Variants in CDH19 observed in about 807,000 individuals in gnomAD.
CDH19 encodes cadherin-19.
CDH19 carries 67 observed loss-of-function variants against 64.2 expected under a neutral mutation model. That is an observed-to-expected ratio of 1.04 (90% CI 0.86 to 1.28). The LOEUF (loss-of-function observed/expected upper bound fraction) is 1.28. Among genes scored for constraint, CDH19 ranks in the 50% most tolerant of loss-of-function variants. CDH19 has a pLI of 0.00. For synonymous variants in CDH19, 346 were observed against 319.3 expected, an observed-to-expected ratio of 1.08 and a Z score of -0.89; for missense variants, 1,030 against 929.0, an observed-to-expected ratio of 1.11 and a Z score of -1.41.
rs756810638 is a variant in CDH19, at chr18:66,572,014, C to G, written c.191G>C (p.Gly64Ala). The change falls in exon 2 of 12, where the codon GGC becomes GCC. Residue 64 changes from glycine (G) to alanine (A), a missense_variant. Gly to Ala is a moderately conservative substitution (Grantham distance 60). Transcript: ENST00000262150. ...EEMNTTSHHI[G>A]QLRSDLDNGN... Reference sequence around the variant, plus strand: ...ACATTTTAAATAAATAAGTACCTGGCCGATGTGATGACTAGTCGTATTCAT... The same window carrying G: ...ACATTTTAAATAAATAAGTACCTGGGCGATGTGATGACTAGTCGTATTCAT... 3 of 1,604,650 alleles carry G rather than the reference C, an allele frequency of 1.9e-6. No homozygotes were observed. The highest frequency in any genetic ancestry group is 2.6e-6 in the Non-Finnish European group (3 of 1,173,228).
intron 5 of CDH19, among the ~76,000 whole-genome samples, chr18:66,548,038 A>G (rs997810359): frequency 4.8e-5 from 7 of 147,164 alleles, no homozygotes; most frequent in African/African-American, 1.2e-4. Flanking sequence ...ATATATGTGT[A>G]TTATATATAT....
At chr18:66,580,890 A>G (rs1440206993) in intron 1 of CDH19, among the ~76,000 whole-genome samples, 3 of 152,218 alleles carry the variant, frequency 2.0e-5, no homozygotes, top group East Asian at 1.9e-4. Flanking sequence ...AGCAGAAGTG[A>G]AAAACATTTC....
intron 5 of CDH19, among the ~76,000 whole-genome samples, chr18:66,547,124 A>G (rs1264780296): frequency 6.6e-6 from 1 of 152,138 alleles, no homozygotes; most frequent in African/African-American, 2.4e-5. Flanking sequence ...ATGAGAGCCT[A>G]TTGCACTAAT....
chr18:66,567,206 G>A (rs1306548270), intron 3 of CDH19, among the ~76,000 whole-genome samples: 1 of 151,682 alleles, frequency 6.6e-6, no homozygotes, highest in East Asian at 1.9e-4. Flanking sequence ...TAGTTTCAAA[G>A]GAAGATTCCT....
At chr18:66,536,040 A>T (rs1986656666) in intron 7 of CDH19, among the ~76,000 whole-genome samples, 1 of 150,182 alleles carries the variant, frequency 6.7e-6, no homozygotes, top group Non-Finnish European at 1.5e-5. Flanking sequence ...GGAAAAAAAA[A>T]ACTGAAAAAT....
intron 7 of CDH19, among the ~76,000 whole-genome samples, chr18:66,536,192 CTT>C (rs1986663109): frequency 6.6e-6 from 1 of 151,492 alleles, no homozygotes; most frequent in Non-Finnish European, 1.5e-5. Context: ...TTCCTGAAGA[CTT>C]TGATGAGATA....
chr18:66,528,376 A>G (rs1986305263), intron 9 of CDH19, among the ~76,000 whole-genome samples: 1 of 152,164 alleles, frequency 6.6e-6, no homozygotes, highest in Admixed American at 6.5e-5. Context: ...CTGTACGCCC[A>G]TACATTTCTA....
chr18:66,543,231 G>T (rs1359206066), intron 7 of CDH19, among the ~76,000 whole-genome samples: 3 of 151,982 alleles, frequency 2.0e-5, no homozygotes, highest in African/African-American at 4.8e-5. Context: ...GGTTTCACAT[G>T]TTAGCCAGGA....
At chr18:66,602,639 G>A (rs1438843176) in intron 1 of CDH19, among the ~76,000 whole-genome samples, 3 of 151,848 alleles carry the variant, frequency 2.0e-5, no homozygotes, top group Middle Eastern at 3.4e-3. Context: ...GTGTAAGACT[G>A]TAAAAATCAG....
At chr18:66,532,360 T>A (rs969470684) in intron 8 of CDH19, 1 of 154,432 alleles carries the variant, frequency 6.5e-6, no homozygotes, top group Non-Finnish European at 1.4e-5. Flanking sequence ...TTAGTGTTTT[T>A]ATTTAAAATA....
rs1453425574 is a variant in CDH19 at position 66,527,792 on chromosome 18, ATACT to A, written c.1458+2049_1458+2052del. 1.9e-4 allele frequency among the ~76,000 whole-genome samples: 29 copies of A among 151,966 alleles called. 1 individual carries two copies. Among genetic ancestry groups the A allele is most frequent in the Admixed American group, 7.2e-4 (11 of 15,228 alleles). On this transcript the variant is annotated intron_variant, in intron 9 of 11. Transcript: ENST00000262150. Reference sequence around the variant, plus strand: ...AAAAACAGAACTTTGTCCAATTAACATACTTACCACATGGGACATTTACAGAAAT... The same window carrying A: ...AAAAACAGAACTTTGTCCAATTAACATACCACATGGGACATTTACAGAAAT...
intron 1 of CDH19, among the ~76,000 whole-genome samples, chr18:66,582,571 G>C (rs1462563796): frequency 7.1e-6 from 1 of 141,370 alleles, no homozygotes; most frequent in Admixed American, 7.4e-5. Context: ...GCACTAAAAT[G>C]TGAAAGATCA....
intron 1 of CDH19, among the ~76,000 whole-genome samples, chr18:66,602,693 G>C (rs1989066614): frequency 2.0e-5 from 3 of 151,892 alleles, no homozygotes; most frequent in Non-Finnish European, 4.4e-5. Flanking sequence ...TGTTATAAAG[G>C]CTTGGTAAAG....
At chr18:66,513,046 T>C (rs895413252) in intron 9 of CDH19, among the ~76,000 whole-genome samples, 4 of 151,458 alleles carry the variant, frequency 2.6e-5, no homozygotes. Flanking sequence ...ATATTGTTAG[T>C]CATAGGCATA....
intron 10 of CDH19, among the ~76,000 whole-genome samples, chr18:66,510,993 C>T (rs1365204663): frequency 1.3e-5 from 2 of 151,574 alleles, no homozygotes; most frequent in African/African-American, 4.8e-5. Flanking sequence ...AAAGAAGCAG[C>T]GTGGCTTTGT....
intron 1 of CDH19, among the ~76,000 whole-genome samples, chr18:66,587,625 C>T (rs775179121): frequency 2.6e-5 from 4 of 152,086 alleles, no homozygotes; most frequent in Non-Finnish European, 5.9e-5. Context: ...ACACCATTTT[C>T]GAACTGAAAC....
intron 2 of CDH19, among the ~76,000 whole-genome samples, chr18:66,571,402 T>C (rs1171609402): frequency 6.6e-6 from 1 of 151,708 alleles, no homozygotes; most frequent in Non-Finnish European, 1.5e-5. Context: ...GAAAAGGACA[T>C]GATATTGTAA....
intron 3 of CDH19, among the ~76,000 whole-genome samples, chr18:66,565,237 T>A (rs1987865491): frequency 6.6e-6 from 1 of 151,960 alleles, no homozygotes; most frequent in Admixed American, 6.6e-5. Flanking sequence ...AGTTTGAAGT[T>A]AATTTCATTT....
intron 3 of CDH19, among the ~76,000 whole-genome samples, chr18:66,560,370 A>G (rs895345941): frequency 6.6e-6 from 1 of 152,070 alleles, no homozygotes; most frequent in Non-Finnish European, 1.5e-5. Flanking sequence ...ATCTCCATTT[A>G]TCTGTCCATC....
Sources: gnomAD v4.1 joint callset for allele counts (sites outside exome capture counted in the v4.1 genomes callset) on GRCh38, gnomAD v4.1.1 for gene constraint, MANE v1.5 for transcripts, NCBI Gene and HGNC (gene_info 2026-07-23, HGNC 2026-07-21) for gene names.